The following DENND4C variants were observed in gnomAD, a reference collection of about 807,000 sequenced individuals.
DENND4C encodes the protein DENN domain containing 4C.
DENND4C carries 108 observed loss-of-function variants against 203.0 expected under a neutral mutation model. The ratio of observed to expected loss-of-function variants is 0.53; its 90% CI spans 0.46 to 0.62. DENND4C has a LOEUF of 0.62. Among genes scored for constraint, DENND4C ranks in the 20% least tolerant of loss-of-function variants. The probability of loss-of-function intolerance (pLI) is 0.00; values close to 1 mark genes in which losing one functional copy is unlikely to be tolerated. For synonymous variants in DENND4C, 871 were observed against 792.4 expected (o/e 1.10, Z -1.67); for missense variants, 2,481 against 2,301.2 (o/e 1.08, Z -1.60).
chr9:19,372,308 G>C lies in DENND4C; in HGVS notation c.*135G>C. ...GTAACTCTTGGGGACAATATATAAT[G>C]AATTATGATTCATATTGCATTACCT... On this transcript the variant is annotated 3_prime_UTR_variant, in exon 33 of 33. Coordinates refer to ENST00000434457, the MANE Select transcript of DENND4C (RefSeq NM_001330640.2). 9.4e-7 allele frequency: 1 copy of C among 1,067,562 alleles called. No individual in the cohort carries two copies. 66.1% of individuals were successfully genotyped at this position (1,067,562 alleles called of 1,614,324 possible). A position where few individuals can be genotyped will look rare whatever the true frequency, so the allele number is the denominator to read the frequency against.
intron 1 of DENND4C, among the ~76,000 whole-genome samples, chr9:19,268,081 T>C (rs1343781302): frequency 6.7e-6 from 1 of 149,036 alleles, no homozygotes; most frequent in Non-Finnish European, 1.5e-5. Flanking sequence ...ATGTTTTGTG[T>C]ATGTGTTGTA....
At chr9:19,289,481 T>G (rs1835841728) in intron 4 of DENND4C, among the ~76,000 whole-genome samples, 1 of 152,158 alleles carries the variant, frequency 6.6e-6, no homozygotes, top group South Asian at 2.1e-4. Context: ...ATTTAATTTA[T>G]AATATAAAAA....
intron 10 of DENND4C, among the ~76,000 whole-genome samples, 158 bp downstream of exon 10, chr9:19,305,685 A>C (rs1747018084): frequency 6.6e-6 from 1 of 152,198 alleles, no homozygotes; most frequent in South Asian, 2.1e-4. Context: ...AGAATCTGGG[A>C]ATGCTGTGTG....
chr9:19,240,410 G>A (rs2131434701), intron 1 of DENND4C, among the ~76,000 whole-genome samples: 1 of 152,306 alleles, frequency 6.6e-6, no homozygotes. Context: ...GCTCACACTT[G>A]TAATCCCAGC....
chr9:19,332,740 C>T lies in DENND4C; in HGVS notation c.2460+556C>T, dbSNP rs557354301. On this transcript the variant is annotated intron_variant, in intron 17 of 32. Coordinates refer to ENST00000434457, the MANE Select transcript of DENND4C (RefSeq NM_001330640.2). ...GAGTGCGGTTGTGTGATCATGGCAC[C>T]TGGCATATGGTTTTTCTGTTTTTGA... Among the ~76,000 whole-genome samples, 10 of 149,036 alleles carry T rather than the reference C, an allele frequency of 6.7e-5. No homozygotes were observed. The South Asian group carries it at 1.5e-3, about 22-fold the overall frequency.
chr9:19,352,102 G>C lies in DENND4C; in HGVS notation c.4525G>C (p.Gly1509Arg). The C allele has an allele frequency of 1.2e-6, 2 of 1,613,788 alleles. No homozygotes were observed. The highest frequency in any genetic ancestry group is 1.7e-6 in the Non-Finnish European group (2 of 1,179,882). Reference protein sequence around the residue: ...GEVPFPRGMKGQDFEKSDHGS... With the variant: ...GEVPFPRGMKRQDFEKSDHGS... ...AGTTCCATTTCCAAGAGGCATGAAA[G>C]GGCAAGACTTTGAAAAATCAGATCA... Residue 1509 changes from glycine (G) to arginine (R), a missense_variant, in exon 25 of 33, where the codon GGG becomes CGG. Transcript: ENST00000434457.
intron 4 of DENND4C, 105 bp from the exon 5 acceptor site, chr9:19,290,599 A>G: frequency 1.3e-6 from 1 of 742,730 alleles, no homozygotes; most frequent in Non-Finnish European, 1.9e-6. Flanking sequence ...CCACACAAGT[A>G]TTGCCATGAA....
chr9:19,356,788 T>TGA (rs60635871), intron 26 of DENND4C, among the ~76,000 whole-genome samples, 184 bp from the exon 27 acceptor site: 2,031 of 140,360 alleles, frequency 0.014, 20 homozygotes, highest in East Asian at 0.035. Flanking sequence ...TGTGTGTGTG[T>TGA]GAGAGAGAGA....
chr9:19,259,826 C>T (rs1478647614), intron 1 of DENND4C, among the ~76,000 whole-genome samples: 1 of 152,134 alleles, frequency 6.6e-6, no homozygotes, highest in African/African-American at 2.4e-5. Flanking sequence ...TTTTCTTTAT[C>T]CATTTGTCTG....
chr9:19,321,783 G>C (rs1312854225), intron 12 of DENND4C, among the ~76,000 whole-genome samples: 5 of 142,246 alleles, frequency 3.5e-5, no homozygotes, highest in African/African-American at 1.3e-4. Context: ...AGTGAGCCGA[G>C]ATCACGCCAC....
chr9:19,287,149 A>C, intron 3 of DENND4C, 128 bp downstream of exon 3: 2 of 880,426 alleles, frequency 2.3e-6, no homozygotes, highest in Non-Finnish European at 3.0e-6. Context: ...TATTTTTCCT[A>C]ATTTTTATGA....
intron 1 of DENND4C, among the ~76,000 whole-genome samples, chr9:19,231,633 T>G (rs548317551): frequency 2.0e-5 from 3 of 152,028 alleles, no homozygotes; most frequent in East Asian, 1.9e-4. Context: ...TTACCCAGTT[T>G]TTAAATAGTA....
In DENND4C at chr9:19,346,973, A is replaced by G. The variant is rs769100261; in HGVS notation, c.4204A>G (p.Ile1402Val). 3.7e-6 allele frequency: 6 copies of G among 1,614,050 alleles called. No homozygotes were observed. The highest frequency in any genetic ancestry group is 2.2e-5 in the East Asian group (1 of 44,890). ...TTTGTCAGGGCTAAAGCTGGATAATATACTCTCAGGGCCCAAGATAGATGT... is the reference window on the plus strand; with the variant it reads ...TTTGTCAGGGCTAAAGCTGGATAATGTACTCTCAGGGCCCAAGATAGATGT... ...NSLSGLKLDN[I>V]LSGPKIDVLK... The change falls in exon 23 of 33, where the codon ATA becomes GTA. Residue 1402 changes from isoleucine (I) to valine (V), a missense_variant. This residue lies in a region of DENND4C where 2,289 missense variants were observed against 2,113.3 expected (regional missense o/e 1.08). Coordinates refer to ENST00000434457, the MANE Select transcript of DENND4C (RefSeq NM_001330640.2).
intron 9 of DENND4C, 75 bp downstream of exon 9, chr9:19,300,406 A>G: frequency 7.5e-7 from 1 of 1,327,302 alleles, no homozygotes; most frequent in South Asian, 2.2e-5. Flanking sequence ...TTCTTCAAAA[A>G]CAGCAACTTT....
intron 10 of DENND4C, among the ~76,000 whole-genome samples, chr9:19,313,089 GT>G (rs1380434061): frequency 2.6e-5 from 4 of 151,686 alleles, no homozygotes; most frequent in South Asian, 2.1e-4. Flanking sequence ...GAATTATTCT[GT>G]TTTTTTCCCA....
At chr9:19,314,305 T>C (rs923659716) in intron 10 of DENND4C, among the ~76,000 whole-genome samples, 7 of 151,528 alleles carry the variant, frequency 4.6e-5, no homozygotes, top group African/African-American at 1.7e-4. Context: ...ATACAAAAAA[T>C]TAGCTGGGTG....
intron 26 of DENND4C, among the ~76,000 whole-genome samples, chr9:19,356,225 T>C (rs1444820951): frequency 1.3e-5 from 2 of 152,182 alleles, no homozygotes; most frequent in African/African-American, 2.4e-5. Context: ...GATAGAGATA[T>C]TAATACATTT....
chr9:19,263,671 T>TTTTTTTTTTA (rs1190088245), intron 1 of DENND4C, among the ~76,000 whole-genome samples: 2 of 151,292 alleles, frequency 1.3e-5, no homozygotes, highest in African/African-American at 4.9e-5. Flanking sequence ...TTTTTTTTTT[T>TTTTTTTTTTA]AAGACAGAAT....
At chr9:19,241,479 C>T (rs371624966) in intron 1 of DENND4C, among the ~76,000 whole-genome samples, 5 of 151,508 alleles carry the variant, frequency 3.3e-5, no homozygotes, top group Admixed American at 6.6e-5. Flanking sequence ...TCCTGAGTTG[C>T]GTGCCACTGC....
Sources: gnomAD v4.1 joint callset for allele counts (sites outside exome capture counted in the v4.1 genomes callset) on GRCh38, gnomAD v4.1.1 for gene constraint, gnomAD v4.1.1 regional missense constraint, MANE v1.5 for transcripts, NCBI Gene and HGNC (gene_info 2026-07-23, HGNC 2026-07-21) for gene names.